DNAAF4: variants seen among roughly 807,000 people sequenced by gnomAD.
DNAAF4 encodes the protein dynein axonemal assembly factor 4.
A neutral mutation model predicts 51.8 loss-of-function variants in DNAAF4; 43 were observed. The ratio of observed to expected loss-of-function variants is 0.83; its 90% confidence interval spans 0.65 to 1.07. DNAAF4 has a LOEUF of 1.07. Among genes scored for constraint, DNAAF4 ranks in the 50% least tolerant of loss-of-function variants. The probability of loss-of-function intolerance (pLI) is 0.00; values close to 1 mark genes in which losing one functional copy is unlikely to be tolerated. For synonymous variants in DNAAF4, 194 were observed against 165.6 expected, an observed-to-expected ratio of 1.17 and a Z score of -1.32; for missense variants, 581 against 493.0, an observed-to-expected ratio of 1.18 and a Z score of -1.69.
intron 5 of DNAAF4, among the ~76,000 whole-genome samples, chr15:55,463,544 T>A (rs2058125681): frequency 6.6e-6 from 1 of 151,962 alleles, no homozygotes; most frequent in Non-Finnish European, 1.5e-5. Flanking sequence ...ATCCTAAAGA[T>A]TCATCCAAAA....
At chr15:55,466,707 CTCT>C (rs1333704419) in intron 5 of DNAAF4, among the ~76,000 whole-genome samples, 1 of 152,172 alleles carries the variant, frequency 6.6e-6, no homozygotes, top group Non-Finnish European at 1.5e-5. Context: ...AAAGAAGACA[CTCT>C]TCTTTTCGAA....
At chr15:55,461,754 C>G (rs541936621) in intron 5 of DNAAF4, among the ~76,000 whole-genome samples, 1 of 152,014 alleles carries the variant, frequency 6.6e-6, no homozygotes, top group African/African-American at 2.4e-5. Context: ...CACATCAAAC[C>G]CAAACCCAGC....
chr15:55,445,366 A>G (rs2057782121), intron 6 of DNAAF4, among the ~76,000 whole-genome samples: 1 of 152,184 alleles, frequency 6.6e-6, no homozygotes, highest in Non-Finnish European at 1.5e-5. Flanking sequence ...GGGTAAGGTT[A>G]TAGATTAACA....
intron 7 of DNAAF4, among the ~76,000 whole-genome samples, chr15:55,422,916 G>A (rs944126741): frequency 6.6e-6 from 1 of 152,186 alleles, no homozygotes; most frequent in African/African-American, 2.4e-5. Flanking sequence ...AGAATCGCTT[G>A]AACCCAGGAG....
downstream of DNAAF4, among the ~76,000 whole-genome samples, chr15:55,428,950 G>T (rs528190902): frequency 5.3e-5 from 8 of 151,502 alleles, no homozygotes; most frequent in Non-Finnish European, 8.8e-5. Context: ...GGCCAGGCGC[G>T]GGGGGTCTTG....
chr15:55,426,529 C>T (rs1225076708), downstream of DNAAF4, among the ~76,000 whole-genome samples: 6 of 152,130 alleles, frequency 3.9e-5, no homozygotes, highest in Non-Finnish European at 7.4e-5. Context: ...TTCACTGTCT[C>T]AGTCATTGTC....
chr15:55,447,640 T>C (rs622097), intron 6 of DNAAF4, among the ~76,000 whole-genome samples: 104,428 of 148,018 alleles, frequency 0.71, 37,282 homozygotes, highest in East Asian at 0.9. Context: ...CAGTCAGGCA[T>C]GGCGGTGCGT....
chr15:55,496,959 A>G (rs866020776), intron 3 of DNAAF4, among the ~76,000 whole-genome samples: 27 of 152,202 alleles, frequency 1.8e-4, no homozygotes, highest in African/African-American at 5.5e-4. Context: ...TTAACCAGGG[A>G]ATATTGACTA....
intron 6 of DNAAF4, among the ~76,000 whole-genome samples, chr15:55,447,912 G>C (rs1413606672): frequency 6.6e-6 from 1 of 151,642 alleles, no homozygotes; most frequent in Non-Finnish European, 1.5e-5. Context: ...TCTCCTGCCT[G>C]ACTGCCCTGG....
chr15:55,456,836 G>T (rs1352105261), intron 5 of DNAAF4, among the ~76,000 whole-genome samples: 1 of 152,196 alleles, frequency 6.6e-6, no homozygotes, highest in African/African-American at 2.4e-5. Flanking sequence ...AGTAGAAGAA[G>T]CAGCAGGAAG....
rs534388306 is a variant in DNAAF4, at chr15:55,458,370, A to G, written c.638-8003T>C. ...TAATCAAAACTTCTGGAAATGAAAG[A>G]CACACTTAAAGAAATGCAAAATACA... is the stretch of plus-strand genomic sequence containing the variant. On this transcript the variant is annotated intron_variant, in intron 5 of 9. Transcript: ENST00000321149. 9.5e-4 allele frequency among the ~76,000 whole-genome samples: 145 copies of G among 152,330 alleles called. 2 individuals carry two copies. The highest frequency in any genetic ancestry group is 3.4e-3 in the African/African-American group (141 of 41,576).
At chr15:55,426,730 T>A (rs1316333345), downstream of DNAAF4, among the ~76,000 whole-genome samples, 1 of 152,132 alleles carries the variant, frequency 6.6e-6, no homozygotes, top group African/African-American at 2.4e-5. Context: ...CAAAATTTAG[T>A]TGTTTATCTG....
Position 55,477,410 on chromosome 15 carries a change from A to C in DNAAF4, c.406-10249T>G, listed in dbSNP as rs553791269. Reference sequence around the variant, plus strand: ...TAATGATTTTTAATGTAAAATCATAACACATATTGTTGGGATTACAACAAA... The same window carrying C: ...TAATGATTTTTAATGTAAAATCATACCACATATTGTTGGGATTACAACAAA... On this transcript the variant is annotated intron_variant, in intron 4 of 9. Coordinates refer to ENST00000321149, the MANE Select transcript of DNAAF4 (RefSeq NM_130810.4). 3.3e-5 allele frequency among the ~76,000 whole-genome samples: 5 copies of C among 152,232 alleles called. No homozygotes were observed. In the East Asian group the frequency reaches 7.7e-4, roughly 24 times the overall value.
intron 7 of DNAAF4, among the ~76,000 whole-genome samples, chr15:55,420,228 G>A (rs2057377013): frequency 6.6e-6 from 1 of 152,114 alleles, no homozygotes; most frequent in South Asian, 2.1e-4. Context: ...AAAGTACAAA[G>A]ATGTGAGACA....
chr15:55,491,484 G>A (rs930591714), intron 3 of DNAAF4, among the ~76,000 whole-genome samples: 3 of 150,146 alleles, frequency 2.0e-5, no homozygotes, highest in Non-Finnish European at 4.4e-5. Flanking sequence ...TGGAGAGGAA[G>A]AAGAAGGGAT....
intron 6 of DNAAF4, among the ~76,000 whole-genome samples, chr15:55,444,311 C>A (rs1183081587): frequency 6.6e-6 from 1 of 152,146 alleles, no homozygotes; most frequent in Non-Finnish European, 1.5e-5. Context: ...ATCCTTTCCC[C>A]ATTTCTTGTT....
Position 55,466,971 on chromosome 15 carries a change from C to G in DNAAF4, c.596G>C (p.Ser199Thr). 6.3e-7 allele frequency: 1 copy of G among 1,585,672 alleles called. No homozygotes were observed. The highest frequency in any genetic ancestry group is 8.5e-7 in the Non-Finnish European group (1 of 1,171,844). Residue 199 changes from serine to threonine, a missense_variant, in exon 5 of 10, where the codon AGT becomes ACT. Coordinates refer to ENST00000321149, the MANE Select transcript of DNAAF4 (RefSeq NM_130810.4). ...TCTAGATGCCAAATTTCTAGTAAGA[C>G]TCTTATATTTTATTTTTTTTCTTTC... is the stretch of plus-strand genomic sequence containing the variant. ...KEERKKIKYK[S>T]LTRNLASRNL...
chr15:55,453,281 C>A (rs949029453), intron 5 of DNAAF4, among the ~76,000 whole-genome samples: 7 of 152,110 alleles, frequency 4.6e-5, no homozygotes, highest in African/African-American at 1.7e-4. Context: ...TTTCCTCATA[C>A]ATACACACTA....
chr15:55,485,721 G>A (rs574250912), intron 4 of DNAAF4, among the ~76,000 whole-genome samples: 12 of 152,232 alleles, frequency 7.9e-5, no homozygotes, highest in Middle Eastern at 3.4e-3. Flanking sequence ...GCGGCCAAGC[G>A]CAGTGGCTCA....
Sources: gnomAD v4.1 joint callset for allele counts (sites outside exome capture counted in the v4.1 genomes callset) on GRCh38, gnomAD v4.1.1 for gene constraint, MANE v1.5 for transcripts, NCBI Gene and HGNC (gene_info 2026-07-23, HGNC 2026-07-21) for gene names.